Variants in SLC12A6 observed in about 807,000 individuals in gnomAD.
SLC12A6 encodes K-Cl cotransporter 3.
SLC12A6 carries 66 observed loss-of-function variants against 135.3 expected under a neutral mutation model. The observed-to-expected ratio is 0.49, with a 90% CI of 0.40 to 0.60. The LOEUF (loss-of-function observed/expected upper bound fraction) is 0.60. SLC12A6 is among the 20% of genes least tolerant of loss of function. SLC12A6 has a pLI of 0.00. For missense variants in SLC12A6, 1,058 were observed against 1,452.3 expected, an observed-to-expected ratio of 0.73 and a Z score of 4.41; for synonymous variants, 513 against 508.8, an observed-to-expected ratio of 1.01 and a Z score of -0.11.
chr15:34,307,470 C>T (rs1029242714), intron 2 of SLC12A6, among the ~76,000 whole-genome samples: 3 of 152,094 alleles, frequency 2.0e-5, no homozygotes, highest in African/African-American at 7.2e-5. Flanking sequence ...AATTATTTTT[C>T]TTTGTTTTTT....
chr15:34,326,066 G>A (rs528949371), intron 2 of SLC12A6, among the ~76,000 whole-genome samples: 2 of 152,252 alleles, frequency 1.3e-5, no homozygotes, highest in South Asian at 4.1e-4. Context: ...CAGCCATTTT[G>A]GCCGCTGATC....
At position 34,240,525 on chromosome 15, in the gene SLC12A6, C is replaced by T. The variant is rs60604568; in HGVS notation, c.2436+136G>A. The T allele has an allele frequency of 0.18, 130,194 of 725,742 alleles. 12,051 individuals are homozygous for T. Among genetic ancestry groups the T allele is most frequent in the Middle Eastern group, 0.27 (807 of 3,020 alleles). The allele number at this position is 725,742 out of a possible 1,614,324, so 45.0% of individuals were successfully genotyped here. ...ATCTTATTATTTGGGAAAAAGTGTC[C>T]TTTCAAAGGTCAGCACTAAGTGAGA... On this transcript the variant is annotated intron_variant, in intron 19 of 25. Coordinates refer to ENST00000354181, the MANE Select transcript of SLC12A6 (RefSeq NM_001365088.1).
chr15:34,254,217 T>C, intron 9 of SLC12A6, 131 bp downstream of exon 9: 1 of 938,348 alleles, frequency 1.1e-6, no homozygotes, highest in Non-Finnish European at 1.7e-6. Context: ...AGGAAGGAAG[T>C]CTAACTGGGC....
chr15:34,257,276 T>A (rs1243921270), intron 6 of SLC12A6, among the ~76,000 whole-genome samples: 2 of 152,228 alleles, frequency 1.3e-5, no homozygotes, highest in African/African-American at 4.8e-5. Context: ...TAACCTGTCT[T>A]GTTTCTCAAT....
chr15:34,257,861 C>G (rs1892860011), intron 5 of SLC12A6, 73 bp from the exon 6 acceptor site: 1 of 1,033,008 alleles, frequency 9.7e-7, no homozygotes, highest in Non-Finnish European at 1.5e-6. Flanking sequence ...TATGTAATAA[C>G]TTGCTCCCTA....
At chr15:34,273,694 G>A (rs1020380608) in intron 3 of SLC12A6, among the ~76,000 whole-genome samples, 1 of 152,090 alleles carries the variant, frequency 6.6e-6, no homozygotes, top group African/African-American at 2.4e-5. Flanking sequence ...TATTTAAACA[G>A]CTAAAAGCTC....
At chr15:34,299,302 T>G (rs1217771631) in intron 2 of SLC12A6, among the ~76,000 whole-genome samples, 2 of 152,230 alleles carry the variant, frequency 1.3e-5, no homozygotes, top group Non-Finnish European at 2.9e-5. Context: ...CCCCTTTATA[T>G]TTTAGTTTAA....
rs753379710 is a variant in SLC12A6, at chr15:34,250,661, T to G, written c.1561A>C (p.Ile521Leu). 1.2e-6 allele frequency: 2 copies of G among 1,600,592 alleles called. No homozygotes were observed. Among genetic ancestry groups the G allele is most frequent in the Admixed American group, 1.7e-5 (1 of 60,000 alleles). Reference protein sequence around the residue: ...DAQKSIPIGTILAILTTSFVY... With the variant: ...DAQKSIPIGTLLAILTTSFVY... The stretch of plus-strand genomic sequence containing the variant: ...AAGGAGGTGGTCAGGATGGCAAGGA[T>G]AGTACCAATCGGAATAGACTTCTGA... Residue 521 changes from isoleucine (I) to leucine (L), a missense_variant, in exon 12 of 26, where the codon ATC becomes CTC. Transcript: ENST00000354181.
intron 2 of SLC12A6, among the ~76,000 whole-genome samples, chr15:34,298,300 C>T (rs1896011322): frequency 6.6e-6 from 1 of 151,910 alleles, no homozygotes; most frequent in African/African-American, 2.4e-5. Flanking sequence ...GATGGTGAAA[C>T]CCCGTTTCTA....
chr15:34,278,296 G>A lies in SLC12A6; in HGVS notation c.272-2907C>T, dbSNP rs149061522. Among the ~76,000 whole-genome samples, 1,082 of 152,024 alleles carry A rather than the reference G, an allele frequency of 7.1e-3. 9 individuals are homozygous for A. Among genetic ancestry groups the A allele is most frequent in the African/African-American group, 0.025 (1,044 of 41,488 alleles). On this transcript the variant is annotated intron_variant, in intron 2 of 25. Coordinates refer to ENST00000354181, the MANE Select transcript of SLC12A6 (RefSeq NM_001365088.1). ...AAAAAAATCAGCTGGGCGTGGTGGC[G>A]TGCACCTGTAATCTCAGCTACTCTG...
intron 2 of SLC12A6, among the ~76,000 whole-genome samples, chr15:34,284,876 T>C (rs1054036909): frequency 1.3e-5 from 2 of 152,046 alleles, no homozygotes; most frequent in Non-Finnish European, 2.9e-5. Context: ...GAGCAGAAAA[T>C]TGAAGATATC....
intron 25 of SLC12A6, among the ~76,000 whole-genome samples, chr15:34,234,945 A>T (rs1891155392): frequency 6.6e-6 from 1 of 152,188 alleles, no homozygotes; most frequent in African/African-American, 2.4e-5. Flanking sequence ...ACTGAATATT[A>T]GATGTCATGT....
chr15:34,324,940 AATAT>A (rs1426790837), intron 2 of SLC12A6, among the ~76,000 whole-genome samples: 1 of 152,148 alleles, frequency 6.6e-6, no homozygotes, highest in Non-Finnish European at 1.5e-5. Flanking sequence ...AAATAAAATA[AATAT>A]ATATCAAATA....
chr15:34,278,021 C>T (rs887330066), intron 2 of SLC12A6, among the ~76,000 whole-genome samples: 6 of 152,262 alleles, frequency 3.9e-5, no homozygotes, highest in African/African-American at 1.2e-4. Context: ...ACAAGTTATT[C>T]GAAATTGCCA....
intron 3 of SLC12A6, among the ~76,000 whole-genome samples, chr15:34,267,549 C>T (rs1893610465): frequency 6.6e-6 from 1 of 152,198 alleles, no homozygotes; most frequent in African/African-American, 2.4e-5. Context: ...CCAGTAGTGA[C>T]TGTCAGAGAT....
At chr15:34,257,215 G>A (rs1892814668) in intron 6 of SLC12A6, among the ~76,000 whole-genome samples, 1 of 152,118 alleles carries the variant, frequency 6.6e-6, no homozygotes, top group Non-Finnish European at 1.5e-5. Context: ...AGGGATAAGG[G>A]AAGAAACTTC....
In SLC12A6 at chr15:34,231,781, G is replaced by A. The variant is rs1308942626; in HGVS notation, c.*2100C>T. 2 of 152,064 alleles carry A rather than the reference G, an allele frequency of 1.3e-5. No homozygotes were observed. The highest frequency in any genetic ancestry group is 6.6e-5 in the Admixed American group (1 of 15,246). The allele number at this position is 152,064 out of a possible 1,614,324, so 9.4% of individuals were successfully genotyped here. ...ATTTTTTTGTATTTTTGTAGAGACA[G>A]GGTTTCACCGTGTTAGCCAGGATGG... On this transcript the variant is annotated 3_prime_UTR_variant, in exon 26 of 26. Coordinates refer to ENST00000354181, the MANE Select transcript of SLC12A6 (RefSeq NM_001365088.1).
In SLC12A6 at chr15:34,230,841, C is replaced by CAG. The variant is rs145421659; in HGVS notation, c.*3039_*3040insCT. The CAG allele has an allele frequency of 0.056, 8,476 of 152,668 alleles. 288 individuals are homozygous for CAG. Among genetic ancestry groups the CAG allele is most frequent in the Non-Finnish European group, 0.073 (4,941 of 68,010 alleles). 9.5% of individuals were successfully genotyped at this position (152,668 alleles called of 1,614,324 possible). On this transcript the variant is annotated 3_prime_UTR_variant, in exon 26 of 26. Coordinates refer to ENST00000354181, the MANE Select transcript of SLC12A6 (RefSeq NM_001365088.1). ...TCCATGTAACAGTGATTTTGTGTTT[C>CAG]GGGCTGAAGCAGTGGTTATATTAAA...
intron 2 of SLC12A6, among the ~76,000 whole-genome samples, chr15:34,285,923 T>C (rs1256752451): frequency 3.3e-5 from 5 of 151,900 alleles, no homozygotes; most frequent in Admixed American, 6.6e-5. Context: ...AACGGGGTGG[T>C]AGGGAGTGGA....
Sources: allele counts gnomAD v4.1 joint callset (sites outside exome capture counted in the v4.1 genomes callset), GRCh38; gene constraint gnomAD v4.1.1; transcripts MANE v1.5; gene names NCBI Gene and HGNC (gene_info 2026-07-23, HGNC 2026-07-21).